MRTFA: variants seen among roughly 807,000 people sequenced by gnomAD.
MRTFA encodes myocardin related transcription factor A.
Under a neutral mutation model 83.5 loss-of-function variants are expected in MRTFA, and 20 were observed. That is an observed-to-expected ratio of 0.24 (90% CI 0.17 to 0.35). MRTFA has a LOEUF of 0.35. Ranked by LOEUF, MRTFA falls within the 10% of genes least tolerant of loss-of-function variation. The pLI is 1.00. For missense variants in MRTFA, 1,200 were observed against 1,224.7 expected (o/e 0.98, Z 0.30); for synonymous variants, 659 against 541.2 (o/e 1.22, Z -3.02).
chr22:40,420,799 G>A, intron 10 of MRTFA, 48 bp downstream of exon 10: 1 of 1,607,190 alleles, frequency 6.2e-7, no homozygotes, highest in Non-Finnish European at 8.5e-7. Context: ...GCCTGGCTCA[G>A]GGTGGCTCGG....
intron 3 of MRTFA, 182 bp from the exon 4 acceptor site, chr22:40,463,468 C>T: frequency 3.6e-6 from 2 of 558,714 alleles, no homozygotes; most frequent in Non-Finnish European, 6.4e-6. Context: ...TTTCCGTATT[C>T]TGCTGTGGGC....
chr22:40,429,875 C>G (rs766379509), intron 6 of MRTFA, 108 bp from the exon 7 acceptor site: 7 of 1,167,552 alleles, frequency 6.0e-6, no homozygotes, highest in Non-Finnish European at 7.2e-6. Context: ...GAGTGACTGT[C>G]AGAACGGTAA....
intron 2 of MRTFA, among the ~76,000 whole-genome samples, chr22:40,581,084 T>C (rs1805560501): frequency 6.6e-6 from 1 of 152,180 alleles, no homozygotes; most frequent in Non-Finnish European, 1.5e-5. Flanking sequence ...CAGTGCTGGA[T>C]TACAGGCATG....
chr22:40,588,946 C>T (rs553790082), intron 2 of MRTFA, among the ~76,000 whole-genome samples: 1 of 152,240 alleles, frequency 6.6e-6, no homozygotes, highest in East Asian at 1.9e-4. Flanking sequence ...TGCGCCACTG[C>T]ATTCCAGCCT....
chr22:40,470,842 G>T lies in MRTFA; in HGVS notation c.242-7556C>A, dbSNP rs541121079. Among the ~76,000 whole-genome samples, 3 of 151,910 alleles carry T rather than the reference G, an allele frequency of 2.0e-5. 1 individual carries two copies. The South Asian group carries it at 6.2e-4, about 32-fold the overall frequency. On this transcript the variant is annotated intron_variant, in intron 3 of 14. Transcript: ENST00000355630. ...CAGGCGCCTGTAGTCCCAGCTACTC[G>T]GGAGGCTGAGGCAGGAGAATCACTT...
chr22:40,592,281 A>G (rs2056132406), intron 2 of MRTFA, among the ~76,000 whole-genome samples: 1 of 150,924 alleles, frequency 6.6e-6, no homozygotes, highest in Admixed American at 6.6e-5. Context: ...AAAAAAAAAA[A>G]AAAATTATTT....
At chr22:40,550,852 CTTT>C (rs111531159) in intron 3 of MRTFA, among the ~76,000 whole-genome samples, 4 of 89,506 alleles carry the variant, frequency 4.5e-5, no homozygotes, top group Non-Finnish European at 7.9e-5. Context: ...TTTCTTTTTT[CTTT>C]TTTTTTTTTT....
chr22:40,566,083 A>G (rs947749325), intron 2 of MRTFA, among the ~76,000 whole-genome samples: 2 of 152,228 alleles, frequency 1.3e-5, no homozygotes, highest in Non-Finnish European at 2.9e-5. Context: ...TTAAAAAGCC[A>G]TGAGGCAGGA....
At chr22:40,610,819 A>T (rs542519830) in intron 1 of MRTFA, among the ~76,000 whole-genome samples, 1 of 150,326 alleles carries the variant, frequency 6.7e-6, no homozygotes, top group East Asian at 2.1e-4. Flanking sequence ...AGGGAAAAAT[A>T]AGTAAAAAAA....
intron 1 of MRTFA, among the ~76,000 whole-genome samples, chr22:40,614,704 C>G (rs952135840): frequency 6.6e-6 from 1 of 152,156 alleles, no homozygotes; most frequent in African/African-American, 2.4e-5. Context: ...TCAGGCTGGT[C>G]TCAAACTCTC....
chr22:40,629,460 A>C (rs2056617298), intron 1 of MRTFA, among the ~76,000 whole-genome samples: 1 of 145,964 alleles, frequency 6.9e-6, no homozygotes, highest in Admixed American at 6.9e-5. Flanking sequence ...CATAATTAAA[A>C]AAAAAAAAAT....
intron 3 of MRTFA, among the ~76,000 whole-genome samples, chr22:40,542,815 T>C (rs2055311163): frequency 6.6e-6 from 1 of 152,184 alleles, no homozygotes; most frequent in South Asian, 2.1e-4. Context: ...GGACACAGAA[T>C]TGGGTCTGTA....
At chr22:40,461,875 A>C (rs2053720581) in intron 4 of MRTFA, among the ~76,000 whole-genome samples, 1 of 151,768 alleles carries the variant, frequency 6.6e-6, no homozygotes, top group Admixed American at 6.6e-5. Flanking sequence ...AGCCCTGCCC[A>C]CCTTACCCAT....
chr22:40,452,122 G>A lies in MRTFA; in HGVS notation c.307+11099C>T, dbSNP rs142179534. Among the ~76,000 whole-genome samples the A allele has an allele frequency of 4.8e-3, 729 of 151,496 alleles. 4 individuals are homozygous for A. Among genetic ancestry groups the A allele is most frequent in the African/African-American group, 0.017 (690 of 41,258 alleles). On this transcript the variant is annotated intron_variant, in intron 4 of 14. Transcript: ENST00000355630. Reference sequence around the variant, plus strand: ...CCTCAGCCTCCCGAGTAGCTGGGACGACAGGCGCGTGCCATCACACCCAGC... The same window carrying A: ...CCTCAGCCTCCCGAGTAGCTGGGACAACAGGCGCGTGCCATCACACCCAGC...
At chr22:40,581,535 T>C (rs531678224) in intron 2 of MRTFA, among the ~76,000 whole-genome samples, 60 of 152,296 alleles carry the variant, frequency 3.9e-4, no homozygotes, top group Non-Finnish European at 7.8e-4. Context: ...AATTTAAGTG[T>C]GTAAAATAGT....
At chr22:40,590,631 C>T (rs1022865803) in intron 2 of MRTFA, among the ~76,000 whole-genome samples, 4 of 149,848 alleles carry the variant, frequency 2.7e-5, no homozygotes, top group Admixed American at 6.7e-5. Context: ...CAAGATCACA[C>T]CATTGCACTC....
intron 2 of MRTFA, among the ~76,000 whole-genome samples, chr22:40,586,348 T>C (rs977089647): frequency 6.6e-6 from 1 of 151,486 alleles, no homozygotes; most frequent in African/African-American, 2.4e-5. Flanking sequence ...AATTGTATTA[T>C]TTCCATCAAC....
chr22:40,415,403 CTG>C (rs975465448), intron 14 of MRTFA: 1 of 152,384 alleles, frequency 6.6e-6, no homozygotes, highest in Admixed American at 6.5e-5. Context: ...ACACCAGTGA[CTG>C]AGCTCTTGTC....
chr22:40,537,074 T>G (rs1444457802), intron 3 of MRTFA, among the ~76,000 whole-genome samples: 1 of 40,562 alleles, frequency 2.5e-5, no homozygotes, highest in Non-Finnish European at 4.6e-5. Flanking sequence ...GGGGGGTCAG[T>G]CCCCCGCCTG....
Sources: gnomAD v4.1 joint callset for allele counts (sites outside exome capture counted in the v4.1 genomes callset) on GRCh38, gnomAD v4.1.1 for gene constraint, MANE v1.5 for transcripts, NCBI Gene and HGNC (gene_info 2026-07-23, HGNC 2026-07-21) for gene names.